Variants in C1R observed in about 807,000 individuals in gnomAD.
The protein encoded by C1R is complement C1r, also known as complement C1r subcomponent.
C1R carries 15 observed loss-of-function variants against 27.6 expected under a neutral mutation model. The observed-to-expected ratio is 0.54, with a 90% confidence interval of 0.36 to 0.84. The LOEUF (loss-of-function observed/expected upper bound fraction) is 0.84. Among genes scored for constraint, C1R ranks in the 40% least tolerant of loss-of-function variants. The pLI, the probability that C1R is intolerant of heterozygous loss-of-function variation, is 0.01. For synonymous variants in C1R, 253 were observed against 228.8 expected (o/e 1.11, Z -0.95); for missense variants, 544 against 577.9 (o/e 0.94, Z 0.60).
Position 7,081,143 on chromosome 12 carries a change from T to C in C1R, c.1507A>G (p.Thr503Ala), listed in dbSNP as rs781058611. The change falls in exon 11 of 11, where the codon ACC (threonine) becomes GCC (alanine). Residue 503 changes from threonine (T) to alanine (A), a missense_variant. Physicochemically the swap from Thr to Ala is moderately conservative, Grantham distance 58 (BLOSUM62 0). Coordinates refer to ENST00000647956, the MANE Select transcript of C1R (RefSeq NM_001733.7). ...GCTTCGTGTTCCTTGGGATACAGGGTGTGGGCAGCTGTGAGGATCCAGCGG... is the reference window on the plus strand; with the variant it reads ...GCTTCGTGTTCCTTGGGATACAGGGCGTGGGCAGCTGTGAGGATCCAGCGG... ...GDRWILTAAH[T>A]LYPKEHEAQS... The C allele has an allele frequency of 1.2e-6, 2 of 1,613,954 alleles. No individual in the cohort carries two copies. The highest frequency in any genetic ancestry group is 8.5e-7 in the Non-Finnish European group (1 of 1,179,860).
At chr12:7,090,567 G>C (rs1222565979) in intron 2 of C1R, among the ~76,000 whole-genome samples, 1 of 152,166 alleles carries the variant, frequency 6.6e-6, no homozygotes, top group African/African-American at 2.4e-5. Context: ...CTGGGGTCCT[G>C]GTTGTCTGTA....
Position 7,089,279 on chromosome 12 carries a change from T to G in C1R, c.768+14A>C, listed in dbSNP as rs1238272079. The G allele has an allele frequency of 1.3e-6, 1 of 778,692 alleles. No individual in the cohort carries two copies. The highest frequency in any genetic ancestry group is 2.4e-6 in the Non-Finnish European group (1 of 417,480). 48.2% of individuals were successfully genotyped at this position (778,692 alleles called of 1,614,324 possible). A position where few individuals can be genotyped will look rare whatever the true frequency, so the allele number is the denominator to read the frequency against. On this transcript the variant is annotated intron_variant, in intron 5 of 10. Coordinates refer to ENST00000647956, the MANE Select transcript of C1R (RefSeq NM_001733.7). ...AGGGGAGGAAGGGGTCTTTCAGGGG[T>G]AGGACGGCTGTACCTGTAGCTGGTC...
chr12:7,084,820 G>A (rs1591588081), intron 9 of C1R, among the ~76,000 whole-genome samples: 1 of 150,012 alleles, frequency 6.7e-6, no homozygotes, highest in East Asian at 2.0e-4. Context: ...TGGTGATAGT[G>A]GTGTTGGTAA....
intron 9 of C1R, among the ~76,000 whole-genome samples, chr12:7,085,393 A>C: frequency 7.6e-6 from 1 of 131,850 alleles, no homozygotes; most frequent in Non-Finnish European, 1.6e-5. Context: ...TGATGGTGGC[A>C]TCGGTGTTAG....
At position 7,088,738 on chromosome 12, in the gene C1R, G is replaced by C; in HGVS notation, c.917-7C>G. The C allele has an allele frequency of 1.3e-6, 1 of 777,396 alleles. No individual in the cohort carries two copies. The highest frequency in any genetic ancestry group is 2.4e-6 in the Non-Finnish European group (1 of 416,610). 48.2% of individuals were successfully genotyped at this position (777,396 alleles called of 1,614,324 possible). ...GGCTGGGGGCACTTGATGACTGTTG[G>C]GGAGACCAGGGGGCATATTTATTTC... is the stretch of plus-strand genomic sequence containing the variant. On this transcript the variant is annotated splice_region_variant and splice_polypyrimidine_tract_variant and intron_variant, in intron 6 of 10. Transcript: ENST00000647956.
intron 9 of C1R, among the ~76,000 whole-genome samples, chr12:7,082,850 G>A (rs1345686545): frequency 2.0e-5 from 3 of 152,092 alleles, no homozygotes; most frequent in Non-Finnish European, 4.4e-5. Flanking sequence ...AGTGACACTT[G>A]CAGGTGTGTG....
rs370963766 is a variant in C1R, at chr12:7,088,975, G to A, written c.780C>T (p.Asn260=). The A allele has an allele frequency of 3.9e-5, 29 of 745,324 alleles. No individual in the cohort carries two copies. Among genetic ancestry groups the A allele is most frequent in the East Asian group, 7.5e-5 (3 of 39,838 alleles). 46.2% of individuals were successfully genotyped at this position (745,324 alleles called of 1,614,324 possible). The change falls in exon 6 of 11, where the codon AAC becomes AAT. Residue 260 remains asparagine (N), a synonymous_variant. Coordinates refer to ENST00000647956, the MANE Select transcript of C1R (RefSeq NM_001733.7). ...CPYDQLQIYA[N]GKNIGEFCGK... Reference sequence around the variant, plus strand: ...CACAGAACTCGCCAATGTTCTTCCCGTTGGCATAGATCTAGTAGGGGAGGA... The same window carrying A: ...CACAGAACTCGCCAATGTTCTTCCCATTGGCATAGATCTAGTAGGGGAGGA...
chr12:7,090,353 C>T, intron 2 of C1R, 105 bp from the exon 3 acceptor site: 1 of 632,670 alleles, frequency 1.6e-6, no homozygotes, highest in East Asian at 2.7e-5. Flanking sequence ...CATCATGCAC[C>T]ACAATGGCTC....
At position 7,091,299 on chromosome 12, in the gene C1R, C is replaced by A. The variant is rs377315445; in HGVS notation, c.231+153G>T. The A allele has an allele frequency of 1.6e-6, 1 of 629,274 alleles. No homozygotes were observed. The highest frequency in any genetic ancestry group is 2.8e-6 in the Non-Finnish European group (1 of 355,956). The allele number at this position is 629,274 out of a possible 1,614,324, so 39.0% of individuals were successfully genotyped here. A position where few individuals can be genotyped will look rare whatever the true frequency, so the allele number is the denominator to read the frequency against. On this transcript the variant is annotated intron_variant, in intron 2 of 10. Coordinates refer to ENST00000647956, the MANE Select transcript of C1R (RefSeq NM_001733.7). The surrounding 1 kb of genome is among the most constrained non-coding windows in gnomAD (Gnocchi z 5.1). ...CACCGAGGGCCTCTACACCAGTGAGCGCCCATCCAGGGCATCCCCGGGCTC... is the reference window on the plus strand; with the variant it reads ...CACCGAGGGCCTCTACACCAGTGAGAGCCCATCCAGGGCATCCCCGGGCTC...
chr12:7,091,728 TTGCCA>T lies in C1R; in HGVS notation c.3-53_3-49del. 1 of 718,326 alleles carries T rather than the reference TTGCCA, an allele frequency of 1.4e-6. No homozygotes were observed. Among genetic ancestry groups the T allele is most frequent in the Non-Finnish European group, 2.6e-6 (1 of 385,230 alleles). 44.5% of individuals were successfully genotyped at this position (718,326 alleles called of 1,614,324 possible). ...CTGGAGCTGGAGGGGTTCAGCACTC[TTGCCA>T]TGTGGGCAGTGGCTGTGGCAGGGGA... is the stretch of plus-strand genomic sequence containing the variant. On this transcript the variant is annotated intron_variant, in intron 1 of 10. Coordinates refer to ENST00000647956, the MANE Select transcript of C1R (RefSeq NM_001733.7). The surrounding 1 kb of genome is among the most constrained non-coding windows in gnomAD (Gnocchi z 5.1).
chr12:7,088,476 G>A lies in C1R; in HGVS notation c.1038+134C>T, dbSNP rs764085420. The A allele has an allele frequency of 8.4e-6, 6 of 713,366 alleles. No homozygotes were observed. The African/African-American group carries it at 8.7e-5, about 10-fold the overall frequency. 44.2% of individuals were successfully genotyped at this position (713,366 alleles called of 1,614,324 possible). ...AAGTGTGCAGCAAGTTTGAGAGCTG[G>A]TGGACCAGGAGACTCTTCCAGCTGA... On this transcript the variant is annotated intron_variant, in intron 7 of 10. Coordinates refer to ENST00000647956, the MANE Select transcript of C1R (RefSeq NM_001733.7).
chr12:7,088,505 G>A (rs771072419), intron 7 of C1R, 105 bp downstream of exon 7: 94 of 717,144 alleles, frequency 1.3e-4, no homozygotes, highest in Admixed American at 4.8e-4. Context: ...CAGCTGAAAC[G>A]TCTACGACTC....
rs1938211649 is a variant in C1R at position 7,089,285 on chromosome 12, G to A, written c.768+8C>T. ...GGAAGGGGTCTTTCAGGGGTAGGAC[G>A]GCTGTACCTGTAGCTGGTCATAGGG... is the stretch of plus-strand genomic sequence containing the variant. On this transcript the variant is annotated splice_region_variant and intron_variant, in intron 5 of 10. Transcript: ENST00000647956. The A allele has an allele frequency of 2.6e-6, 2 of 779,596 alleles. No homozygotes were observed. Among genetic ancestry groups the A allele is most frequent in the East Asian group, 2.4e-5 (1 of 41,226 alleles). 48.3% of individuals were successfully genotyped at this position (779,596 alleles called of 1,614,324 possible).
In C1R at chr12:7,092,429, G is replaced by A. The variant is rs769107926; in HGVS notation, c.-41C>T. 5.1e-6 allele frequency: 4 copies of A among 780,728 alleles called. No individual in the cohort carries two copies. Among genetic ancestry groups the A allele is most frequent in the Admixed American group, 3.4e-5 (2 of 59,030 alleles). The allele number at this position is 780,728 out of a possible 1,614,324, so 48.4% of individuals were successfully genotyped here. ...TTGAATCCTGGGCTCTCCCGACAGC[G>A]TCTTCGTGCACTGTGTGCAGAGGGA... On this transcript the variant is annotated 5_prime_UTR_variant, in exon 1 of 11. It adds an upstream start codon to the 5' untranslated region. Transcript: ENST00000647956.
intron 7 of C1R, chr12:7,087,638 C>T (rs1938175558): frequency 6.5e-6 from 1 of 154,368 alleles, no homozygotes; most frequent in Admixed American, 6.5e-5. Context: ...GACACCCACC[C>T]AATCCTCCTG....
intron 9 of C1R, among the ~76,000 whole-genome samples, 168 bp from the exon 10 acceptor site, chr12:7,082,274 T>G (rs187620491): frequency 1.3e-5 from 2 of 152,104 alleles, no homozygotes. Context: ...GAATGTCAAG[T>G]GTTCAGAGGC....
chr12:7,092,160 C>G, intron 1 of C1R: 1 of 622,484 alleles, frequency 1.6e-6, no homozygotes, highest in East Asian at 2.7e-5. Flanking sequence ...CTGCCAAGAG[C>G]CCAGAGGGAA....
At chr12:7,081,408 T>C (rs1938060832) in intron 10 of C1R, 107 bp from the exon 11 acceptor site, 1 of 963,250 alleles carries the variant, frequency 1.0e-6, no homozygotes, top group African/African-American at 1.6e-5. Context: ...GGCTTCTGTC[T>C]CTTTTCTCTT....
At chr12:7,085,818 A>G in intron 9 of C1R, 43 bp downstream of exon 9, 1 of 398,468 alleles carries the variant, frequency 2.5e-6, no homozygotes, top group Non-Finnish European at 4.4e-6. Flanking sequence ...GGATACCCCA[A>G]GGGGATGGAA....
Sources: allele counts gnomAD v4.1 joint callset (sites outside exome capture counted in the v4.1 genomes callset), GRCh38; gene constraint gnomAD v4.1.1; non-coding constraint Gnocchi (gnomAD v3.1); transcripts MANE v1.5; gene names NCBI Gene and HGNC (gene_info 2026-07-23, HGNC 2026-07-21).